Variants in ADISSP observed in about 807,000 individuals in gnomAD.
ADISSP encodes adipose-secreted signaling protein.
At chr20:3,759,581 G>A in the ADISSP span, among the ~76,000 whole-genome samples, 1 of 152,112 alleles carries the variant, frequency 6.6e-6, no homozygotes, top group Non-Finnish European at 1.5e-5. This position sits in a 1 kb window ranked among gnomAD's most constrained non-coding sequence, Gnocchi z 4.6. Context: ...CTTTGAGCCG[G>A]CCTCTTGGAT....
At chr20:3,755,656 C>A in the ADISSP span, 1 of 1,540,788 alleles carries the variant, frequency 6.5e-7, no homozygotes, top group East Asian at 2.3e-5. Context: ...TCCTGCTTCC[C>A]GCAGGCCCAC....
the ADISSP span, chr20:3,758,515 A>T: frequency 6.2e-7 from 1 of 1,604,300 alleles, no homozygotes; most frequent in Non-Finnish European, 8.5e-7. This position sits in a 1 kb window ranked among gnomAD's most constrained non-coding sequence, Gnocchi z 5.5. Context: ...GAAGCTGCTG[A>T]TGGGGTAGGT....
chr20:3,759,953 G>C, the ADISSP span: 1 of 1,425,396 alleles, frequency 7.0e-7, no homozygotes, highest in Non-Finnish European at 9.7e-7. This position sits in a 1 kb window ranked among gnomAD's most constrained non-coding sequence, Gnocchi z 4.6. Context: ...TCGCACACCA[G>C]CACACACGCA....
the ADISSP span, among the ~76,000 whole-genome samples, chr20:3,754,855 G>A: frequency 6.6e-6 from 1 of 152,218 alleles, no homozygotes; most frequent in Admixed American, 6.5e-5. Context: ...AGGCGGTGAT[G>A]AGGAGTGAGG....
At chr20:3,755,068 A>G in the ADISSP span, among the ~76,000 whole-genome samples, 2 of 152,138 alleles carry the variant, frequency 1.3e-5, no homozygotes, top group African/African-American at 4.8e-5. Flanking sequence ...GCCTGATAGG[A>G]ACAGCAGCCT....
chr20:3,761,430 G>C, the ADISSP span, among the ~76,000 whole-genome samples: 2 of 151,974 alleles, frequency 1.3e-5, no homozygotes, highest in East Asian at 3.9e-4. Context: ...CTGCCTCCTG[G>C]GTTCGAGCGA....
the ADISSP span, chr20:3,753,881 G>A: frequency 3.6e-5 from 22 of 612,642 alleles, no homozygotes; most frequent in South Asian, 3.2e-4. Context: ...AGAGGAGGAC[G>A]AGGGAGGGGC....
chr20:3,765,045 G>A, the ADISSP span, among the ~76,000 whole-genome samples: 4 of 152,230 alleles, frequency 2.6e-5, no homozygotes, highest in Non-Finnish European at 5.9e-5. Flanking sequence ...CTCAGTAAAG[G>A]GCAAACACTG....
the ADISSP span, chr20:3,755,527 G>C: frequency 6.2e-7 from 1 of 1,613,222 alleles, no homozygotes; most frequent in East Asian, 2.2e-5. Flanking sequence ...CAGGTGCCTC[G>C]CGGACATCCT....
At chr20:3,758,984 C>T in the ADISSP span, among the ~76,000 whole-genome samples, 2 of 152,206 alleles carry the variant, frequency 1.3e-5, no homozygotes, top group African/African-American at 4.8e-5. This position sits in a 1 kb window ranked among gnomAD's most constrained non-coding sequence, Gnocchi z 5.5. Context: ...GTCTTCCAGA[C>T]TCCCACCAAG....
chr20:3,760,204 G>C, the ADISSP span: 3 of 933,340 alleles, frequency 3.2e-6, no homozygotes, highest in Non-Finnish European at 5.1e-6. Context: ...ATAGGGAGTG[G>C]GGAGGGCAGG....
At chr20:3,754,512 A>G in the ADISSP span, 1 of 1,612,342 alleles carries the variant, frequency 6.2e-7, no homozygotes, top group African/African-American at 1.3e-5. Context: ...CACACTTGAC[A>G]CTATAACCTG....
chr20:3,763,030 T>TA, the ADISSP span, among the ~76,000 whole-genome samples: 8 of 151,732 alleles, frequency 5.3e-5, no homozygotes, highest in Non-Finnish European at 1.0e-4. Context: ...CCAAGGCGGG[T>TA]AGATCACCTG....
chr20:3,756,383 T>G, the ADISSP span, among the ~76,000 whole-genome samples: 1 of 152,164 alleles, frequency 6.6e-6, no homozygotes, highest in East Asian at 1.9e-4. Flanking sequence ...TCTTGGAAAC[T>G]CCAGTAGTAT....
chr20:3,764,082 G>T, the ADISSP span, among the ~76,000 whole-genome samples: 1 of 152,234 alleles, frequency 6.6e-6, no homozygotes, highest in Non-Finnish European at 1.5e-5. Context: ...GCCCTGGAAA[G>T]CTCAGCTTGT....
chr20:3,767,773 C>T, the ADISSP span: 45 of 152,128 alleles, frequency 3.0e-4, no homozygotes, highest in African/African-American at 1.1e-3. Context: ...CCGCGGCCGC[C>T]CTCCCGTCGG....
the ADISSP span, among the ~76,000 whole-genome samples, chr20:3,760,749 T>C: frequency 1.3e-5 from 2 of 151,802 alleles, no homozygotes; most frequent in Non-Finnish European, 2.9e-5. Flanking sequence ...GTGGAGGGGG[T>C]GTGCCCCCAC....
the ADISSP span, among the ~76,000 whole-genome samples, chr20:3,759,164 G>A: frequency 6.6e-6 from 1 of 152,176 alleles, no homozygotes; most frequent in Non-Finnish European, 1.5e-5. The surrounding 1 kb of genome is among the most constrained non-coding windows in gnomAD (Gnocchi z 4.6). Context: ...ACAGGAACAG[G>A]CTCTGGGGGA....
the ADISSP span, chr20:3,758,502 G>C: frequency 1.9e-6 from 3 of 1,600,736 alleles, no homozygotes; most frequent in Non-Finnish European, 2.6e-6. This position sits in a 1 kb window ranked among gnomAD's most constrained non-coding sequence, Gnocchi z 5.5. Flanking sequence ...CCGGGGAGGG[G>C]AAGAAGCTGC....
Sources: allele counts gnomAD v4.1 joint callset (sites outside exome capture counted in the v4.1 genomes callset), GRCh38; gene constraint gnomAD v4.1.1; non-coding constraint Gnocchi (gnomAD v3.1); transcripts MANE v1.5; gene names NCBI Gene and HGNC (gene_info 2026-07-23, HGNC 2026-07-21).